The following RNF17 variants were observed in gnomAD, a reference collection of about 807,000 sequenced individuals.
RNF17 encodes the protein spermatogenesis associated 23.
In RNF17, 31 loss-of-function variants were observed where a neutral mutation model predicts 200.5. That is an observed-to-expected ratio of 0.15 (90% CI 0.12 to 0.21). RNF17 has a LOEUF of 0.21. Among genes scored for constraint, RNF17 ranks in the 10% least tolerant of loss-of-function variants. RNF17 has a pLI of 1.00. For synonymous variants in RNF17, 606 were observed against 637.8 expected (o/e 0.95, Z 0.75); for missense variants, 1,628 against 1,905.1 (o/e 0.85, Z 2.71).
In RNF17 at chr13:24,868,606, C is replaced by G. The variant is rs778116470; in HGVS notation, c.4168C>G (p.Leu1390Val). The stretch of plus-strand genomic sequence containing the variant: ...TTTTTCTGTGGTGTTTTAGGAATTG[C>G]TTTCGGCTGAAACAGACACTCCTCT... The part of the protein sequence containing the change: ...EQWEIRFEEL[L>V]SAETDTPLLP... The change falls in exon 31 of 36, where the codon CTT becomes GTT. Residue 1390 changes from leucine to valine, a missense_variant. Physicochemically the swap from Leu to Val is conservative, Grantham distance 32. Transcript: ENST00000255324. 6.4e-7 allele frequency: 1 copy of G among 1,566,664 alleles called. No homozygotes were observed.
At chr13:24,779,205 T>G (rs914291879) in intron 4 of RNF17, among the ~76,000 whole-genome samples, 3 of 151,046 alleles carry the variant, frequency 2.0e-5, no homozygotes, top group East Asian at 1.9e-4. Context: ...AAAAAAAAAA[T>G]AAAAAGAAAA....
At chr13:24,760,107 C>T (rs185381090), upstream of RNF17, among the ~76,000 whole-genome samples, 1,059 of 152,218 alleles carry the variant, frequency 7.0e-3, 12 homozygotes, top group Middle Eastern at 0.061. Flanking sequence ...CGCCACTGCA[C>T]GCCAGCCTGG....
At chr13:24,833,546 C>T (rs1397505322) in intron 18 of RNF17, among the ~76,000 whole-genome samples, 1 of 152,090 alleles carries the variant, frequency 6.6e-6, no homozygotes, top group African/African-American at 2.4e-5. Flanking sequence ...GGGTTTTTGC[C>T]CCCTCCTAGA....
At chr13:24,790,329 T>C (rs1407499471) in intron 9 of RNF17, among the ~76,000 whole-genome samples, 2 of 152,148 alleles carry the variant, frequency 1.3e-5, no homozygotes, top group Middle Eastern at 3.2e-3. Context: ...AATTCCATTC[T>C]CTATGTCCCC....
chr13:24,840,362 T>C (rs1890487507), intron 18 of RNF17, among the ~76,000 whole-genome samples: 1 of 152,190 alleles, frequency 6.6e-6, no homozygotes, highest in South Asian at 2.1e-4. Context: ...GATCCAGCCT[T>C]CCCACTGCTA....
intron 15 of RNF17, 73 bp from the exon 16 acceptor site, chr13:24,825,546 T>C: frequency 1.1e-6 from 1 of 906,244 alleles, no homozygotes; most frequent in Non-Finnish European, 1.7e-6. Flanking sequence ...TCAATGACAG[T>C]GCTTGTAATT....
At chr13:24,751,517 G>C in the RNF17 span, 1 of 152,046 alleles carries the variant, frequency 6.6e-6, no homozygotes, top group Admixed American at 6.6e-5. Flanking sequence ...TGTTTTACAG[G>C]AGACACTTCT....
chr13:24,815,986 C>T (rs1175442879), intron 15 of RNF17, among the ~76,000 whole-genome samples: 1 of 152,178 alleles, frequency 6.6e-6, no homozygotes, highest in African/African-American at 2.4e-5. Flanking sequence ...CATTTGCCTC[C>T]CAGACTCAAG....
At chr13:24,872,876 G>A (rs59798585) in intron 32 of RNF17, among the ~76,000 whole-genome samples, 1 of 116,970 alleles carries the variant, frequency 8.5e-6, no homozygotes, top group Non-Finnish European at 2.0e-5. Flanking sequence ...TTAGATGAAG[G>A]GGGACAGCCA....
downstream of RNF17, among the ~76,000 whole-genome samples, chr13:24,884,745 C>A (rs948295352): frequency 6.6e-6 from 1 of 152,194 alleles, no homozygotes; most frequent in Admixed American, 6.5e-5. Context: ...TACTGCTTTG[C>A]CTGTTGTTCT....
chr13:24,866,703 T>C (rs1205613544), intron 30 of RNF17, among the ~76,000 whole-genome samples: 1 of 152,268 alleles, frequency 6.6e-6, no homozygotes, highest in East Asian at 1.9e-4. Context: ...TTCCACCTTA[T>C]GGTGGTTGCG....
intron 15 of RNF17, among the ~76,000 whole-genome samples, chr13:24,808,286 T>C (rs1219901412): frequency 1.3e-5 from 2 of 152,094 alleles, no homozygotes; most frequent in Non-Finnish European, 2.9e-5. Context: ...GAGCATGGAA[T>C]GTTCTTCCAT....
At chr13:24,763,034 T>C (rs185575460), upstream of RNF17, among the ~76,000 whole-genome samples, 1,044 of 152,302 alleles carry the variant, frequency 6.9e-3, 11 homozygotes, top group Middle Eastern at 0.061. Flanking sequence ...ATGTGTTCTT[T>C]ATTCTTGGAA....
At position 24,793,144 on chromosome 13, in the gene RNF17, A is replaced by C. The variant is rs1451568; in HGVS notation, c.1038A>C (p.Lys346Asn). ...CYDTYPPLEK[K>N]KVDMSVLTSE... is the part of the protein sequence containing the mutation. Reference sequence around the variant, plus strand: ...ATACATACCCACCGCTAGAAAAGAAAAAGGTTGACATGTCTGTCCTAACCA... The same window carrying C: ...ATACATACCCACCGCTAGAAAAGAACAAGGTTGACATGTCTGTCCTAACCA... Residue 346 changes from lysine to asparagine, a missense_variant, in exon 10 of 36, where the codon AAA (lysine) becomes AAC (asparagine). Transcript: ENST00000255324. 254,242 of 1,613,776 alleles carry C rather than the reference A, an allele frequency of 0.16. 22,305 individuals carry two copies. The highest frequency in any genetic ancestry group is 0.33 in the African/African-American group (24,879 of 74,970).
Position 24,877,073 on chromosome 13 carries a change from C to T in RNF17, c.4660C>T (p.Pro1554Ser). Residue 1554 changes from proline (P) to serine (S), a missense_variant, in exon 34 of 36, where the codon CCC (proline) becomes TCC (serine). Physicochemically the swap from Pro to Ser is moderately conservative, Grantham distance 74. This residue lies in a region of RNF17 where 609 missense variants were observed against 681.9 expected (regional missense o/e 0.89). Transcript: ENST00000255324. ...IKVLLAGFKP[P>S]LRDLGETRIP... Reference sequence around the variant, plus strand: ...GGTTCTCTTGGCAGGGTTTAAACCTCCCTTAAGGGATCTAGGGGAGACAAG... The same window carrying T: ...GGTTCTCTTGGCAGGGTTTAAACCTTCCTTAAGGGATCTAGGGGAGACAAG... 1 of 1,613,516 alleles carries T rather than the reference C, an allele frequency of 6.2e-7. No homozygotes were observed. The highest frequency in any genetic ancestry group is 8.5e-7 in the Non-Finnish European group (1 of 1,179,778).
intron 9 of RNF17, among the ~76,000 whole-genome samples, chr13:24,790,669 A>C (rs1883729037): frequency 6.6e-6 from 1 of 152,222 alleles, no homozygotes; most frequent in Non-Finnish European, 1.5e-5. Context: ...CTGGCGGCTG[A>C]GAAGCCCAAG....
Position 24,764,196 on chromosome 13 carries a change from A to C in RNF17, c.-8A>C. ...ACTCGGCGGTTGTTCCAGAAGAAAG[A>C]GACAGCGATGGCGGCAGAGGCTTCG... On this transcript the variant is annotated 5_prime_UTR_variant, in exon 1 of 36. Coordinates refer to ENST00000255324, the MANE Select transcript of RNF17 (RefSeq NM_031277.3). 3 of 1,581,574 alleles carry C rather than the reference A, an allele frequency of 1.9e-6. No individual in the cohort carries two copies. The highest frequency in any genetic ancestry group is 2.6e-6 in the Non-Finnish European group (3 of 1,155,450).
rs549817950 is a variant in RNF17 at position 24,873,722 on chromosome 13, C to T, written c.4448-392C>T. On this transcript the variant is annotated intron_variant, in intron 32 of 35. Transcript: ENST00000255324. ...CCACCCCAAACACATGTATATTTGC[C>T]TTTCATGGCCTCATGTAACTGAACC... 1.1e-4 allele frequency among the ~76,000 whole-genome samples: 16 copies of T among 143,134 alleles called. No homozygotes were observed. The South Asian group carries it at 3.5e-3, about 31-fold the overall frequency. 93.9% of individuals were successfully genotyped at this position (143,134 alleles called of 152,430 possible).
intron 2 of RNF17, among the ~76,000 whole-genome samples, chr13:24,767,895 T>C (rs1211798686): frequency 2.6e-5 from 4 of 152,358 alleles, no homozygotes; most frequent in Non-Finnish European, 4.4e-5. Flanking sequence ...CATACACTTA[T>C]CGGCCTACAT....
Sources: gnomAD v4.1 joint callset for allele counts (sites outside exome capture counted in the v4.1 genomes callset) on GRCh38, gnomAD v4.1.1 for gene constraint, gnomAD v4.1.1 regional missense constraint, MANE v1.5 for transcripts, NCBI Gene and HGNC (gene_info 2026-07-23, HGNC 2026-07-21) for gene names.